The following AMBRA1 variants were observed in gnomAD, a reference collection of about 807,000 sequenced individuals.
AMBRA1 encodes the protein autophagy and beclin 1 regulator 1, also known as activating molecule in BECN1-regulated autophagy protein 1.
A neutral mutation model predicts 125.4 loss-of-function variants in AMBRA1; 47 were observed. The ratio of observed to expected loss-of-function variants is 0.37; its 90% CI spans 0.30 to 0.48. The LOEUF (loss-of-function observed/expected upper bound fraction) is 0.48. AMBRA1 is among the 20% of genes least tolerant of loss of function. The pLI is 0.99. For missense variants in AMBRA1, 1,331 were observed against 1,693.4 expected (o/e 0.79, Z 3.76); for synonymous variants, 626 against 655.5 (o/e 0.95, Z 0.69).
chr11:46,548,263 T>C lies in AMBRA1; in HGVS notation c.118A>G (p.Met40Val), dbSNP rs1373429463. The change falls in exon 2 of 18, where the codon ATG (methionine) becomes GTG (valine). Residue 40 changes from methionine (M) to valine (V), a missense_variant. By Grantham distance (21) the Met-to-Val change is conservative. Transcript: ENST00000683756. ...QELVEDKTRW[M>V]KWEGKRVELP... ...TTCCTTACCTTGCCCTCCCATTTCA[T>C]CCACCGGGTTTTATCTTCTACCAGC... is the stretch of plus-strand genomic sequence containing the variant. 1 of 1,614,052 alleles carries C rather than the reference T, an allele frequency of 6.2e-7. No homozygotes were observed. Among genetic ancestry groups the C allele is most frequent in the Non-Finnish European group, 8.5e-7 (1 of 1,180,034 alleles).
intron 11 of AMBRA1, among the ~76,000 whole-genome samples, chr11:46,450,319 A>G (rs1948518100): frequency 6.6e-6 from 1 of 152,224 alleles, no homozygotes; most frequent in Non-Finnish European, 1.5e-5. Flanking sequence ...GCTACATACT[A>G]TAGGATTCCA....
rs34070050 is a variant in AMBRA1, at chr11:46,419,995, T to TAC, written c.2977-1945_2977-1944dup. Among the ~76,000 whole-genome samples the TAC allele has an allele frequency of 1.9e-4, 25 of 129,106 alleles. 1 individual carries two copies. The highest frequency in any genetic ancestry group is 3.3e-4 in the African/African-American group (11 of 33,390). 84.7% of individuals were successfully genotyped at this position (129,106 alleles called of 152,430 possible). ...AAAAGACAGCAGCACGTGTCCTCAATACACACACACACACACACACACACA... is the reference window on the plus strand; with the variant it reads ...AAAAGACAGCAGCACGTGTCCTCAATACACACACACACACACACACACACACA... On this transcript the variant is annotated intron_variant, in intron 14 of 17. Coordinates refer to ENST00000683756, the MANE Select transcript of AMBRA1 (RefSeq NM_001387011.1).
intron 7 of AMBRA1, among the ~76,000 whole-genome samples, chr11:46,533,134 G>T (rs1427634842): frequency 2.0e-5 from 3 of 151,592 alleles, no homozygotes; most frequent in African/African-American, 7.3e-5. Flanking sequence ...CTGCACTCCA[G>T]CCTGGGCTAC....
intron 13 of AMBRA1, 121 bp from the exon 14 acceptor site, chr11:46,433,749 A>C (rs1235470493): frequency 6.7e-6 from 7 of 1,042,934 alleles, no homozygotes; most frequent in Non-Finnish European, 9.8e-6. Context: ...TCCTGGTGTT[A>C]TCTCATAGGA....
At chr11:46,532,224 A>G (rs1232477102) in intron 7 of AMBRA1, among the ~76,000 whole-genome samples, 1 of 152,202 alleles carries the variant, frequency 6.6e-6, no homozygotes, top group Non-Finnish European at 1.5e-5. Flanking sequence ...GACTAAGTGG[A>G]TGAAGGCCAG....
At position 46,561,976 on chromosome 11, in the gene AMBRA1, G is replaced by C. The variant is rs946786010; in HGVS notation, c.-120-13476C>G. Among the ~76,000 whole-genome samples the C allele has an allele frequency of 4.6e-5, 7 of 152,174 alleles. 1 individual carries two copies. In the East Asian group the frequency reaches 1.3e-3, roughly 29 times the overall value. On this transcript the variant is annotated intron_variant, in intron 1 of 17. Coordinates refer to ENST00000683756, the MANE Select transcript of AMBRA1 (RefSeq NM_001387011.1). Reference sequence around the variant, plus strand: ...ATTAAGCAGGTATTATGTTGGCACTGTTCTAGGCACTGAGGATACTATAGT... The same window carrying C: ...ATTAAGCAGGTATTATGTTGGCACTCTTCTAGGCACTGAGGATACTATAGT...
In AMBRA1 at chr11:46,543,156, G is replaced by A. The variant is rs1260932660; in HGVS notation, c.861C>T (p.Tyr287=). The part of the protein sequence containing the change: ...PSTERPRTSA[Y]IRLRQRVSYP... Reference sequence around the variant, plus strand: ...AACTGACCCGCTGTCGGAGCCTGATGTAAGCGGAAGTCCTGGGGCGCTCCG... The same window carrying A: ...AACTGACCCGCTGTCGGAGCCTGATATAAGCGGAAGTCCTGGGGCGCTCCG... Residue 287 remains tyrosine, a synonymous_variant, in exon 7 of 18, where the codon TAC becomes TAT. Coordinates refer to ENST00000683756, the MANE Select transcript of AMBRA1 (RefSeq NM_001387011.1). 2.0e-5 allele frequency: 32 copies of A among 1,564,304 alleles called. No homozygotes were observed. The highest frequency in any genetic ancestry group is 2.8e-5 in the Non-Finnish European group (32 of 1,157,400).
At chr11:46,498,923 G>A (rs1324683473) in intron 9 of AMBRA1, among the ~76,000 whole-genome samples, 1 of 152,230 alleles carries the variant, frequency 6.6e-6, no homozygotes, top group African/African-American at 2.4e-5. Flanking sequence ...TCCCTGGAGA[G>A]CACAGTGATC....
Position 46,547,860 on chromosome 11 carries a change from C to T in AMBRA1, c.151G>A (p.Asp51Asn), listed in dbSNP as rs1368717891. 80 of 1,607,662 alleles carry T rather than the reference C, an allele frequency of 5.0e-5. No homozygotes were observed. The highest frequency in any genetic ancestry group is 6.7e-5 in the Non-Finnish European group (79 of 1,177,392). The change falls in exon 3 of 18, where the codon GAT (aspartate) becomes AAT (asparagine). Residue 51 changes from aspartate to asparagine, a missense_variant. Transcript: ENST00000683756. ...KWEGKRVELPDSPRSTFLLAF... is the reference protein window; with the variant it reads ...KWEGKRVELPNSPRSTFLLAF... The stretch of plus-strand genomic sequence containing the variant: ...AATAAGAAGGTAGAGCGTGGACTAT[C>T]CGGCAGTTCTACTCTCTGGGAGACA...
At chr11:46,469,838 CTTTTT>C (rs34785738) in intron 11 of AMBRA1, among the ~76,000 whole-genome samples, 2 of 128,290 alleles carry the variant, frequency 1.6e-5, no homozygotes, top group East Asian at 4.5e-4. Flanking sequence ...CTAACTTAAA[CTTTTT>C]TTTTTTTTTT....
chr11:46,570,750 A>G (rs1297914334), intron 1 of AMBRA1, among the ~76,000 whole-genome samples: 2 of 152,130 alleles, frequency 1.3e-5, no homozygotes, highest in Non-Finnish European at 2.9e-5. Flanking sequence ...ATATTAACAC[A>G]TGACAACAGA....
At chr11:46,592,337 G>T (rs1359067533) in intron 1 of AMBRA1, among the ~76,000 whole-genome samples, 1 of 152,096 alleles carries the variant, frequency 6.6e-6, no homozygotes, top group Non-Finnish European at 1.5e-5. Context: ...TCCAAGCTGG[G>T]AAGGAAAAGG....
rs780544369 is a variant in AMBRA1 at position 46,541,971 on chromosome 11, C to G, written c.2046G>C (p.Glu682Asp). ...QEALHQDMPE[E>D]SSEEDSLRRR... The stretch of plus-strand genomic sequence containing the variant: ...TCCTGAGTGAATCCTCCTCAGAGCT[C>G]TCCTCAGGCATATCCTGATGTAAGG... The change falls in exon 7 of 18, where the codon GAG (glutamate) becomes GAC (aspartate). Residue 682 changes from glutamate (E) to aspartate (D), a missense_variant. Transcript: ENST00000683756. The G allele has an allele frequency of 6.2e-7, 1 of 1,613,090 alleles. No homozygotes were observed. Among genetic ancestry groups the G allele is most frequent in the South Asian group, 1.1e-5 (1 of 90,874 alleles).
In AMBRA1 at chr11:46,565,312, T is replaced by C. The variant is rs139592541; in HGVS notation, c.-120-16812A>G. On this transcript the variant is annotated intron_variant, in intron 1 of 17. Transcript: ENST00000683756. Reference sequence around the variant, plus strand: ...CATAATTTGTCATTTTACTTCTGTTTTCCTTTTTTTTTAAATTAAAAAAAT... The same window carrying C: ...CATAATTTGTCATTTTACTTCTGTTCTCCTTTTTTTTTAAATTAAAAAAAT... Among the ~76,000 whole-genome samples the C allele has an allele frequency of 3.9e-3, 594 of 152,148 alleles. 3 individuals are homozygous for C. The highest frequency in any genetic ancestry group is 0.014 in the African/African-American group (580 of 41,522).
chr11:46,519,048 G>A (rs1951642806), intron 7 of AMBRA1, among the ~76,000 whole-genome samples: 1 of 152,152 alleles, frequency 6.6e-6, no homozygotes. Context: ...CATTTTTTGA[G>A]ACAGAGTTTC....
chr11:46,512,545 C>G (rs1951303101), intron 8 of AMBRA1, among the ~76,000 whole-genome samples, 182 bp downstream of exon 8: 1 of 152,098 alleles, frequency 6.6e-6, no homozygotes, highest in Non-Finnish European at 1.5e-5. Flanking sequence ...CCTCTGTCAC[C>G]AGAGGTACTG....
At chr11:46,398,065 G>C in intron 17 of AMBRA1, 122 bp from the exon 18 acceptor site, 1 of 1,299,052 alleles carries the variant, frequency 7.7e-7, no homozygotes, top group Non-Finnish European at 1.0e-6. Flanking sequence ...AGAAAGACTC[G>C]CTCCATCACT....
chr11:46,424,134 C>T (rs1381200660), intron 14 of AMBRA1, among the ~76,000 whole-genome samples: 4 of 151,782 alleles, frequency 2.6e-5, no homozygotes, highest in Non-Finnish European at 1.5e-5. Context: ...TTTAAAAAAT[C>T]AAAATAACAA....
chr11:46,505,927 C>T (rs1332428332), intron 9 of AMBRA1, among the ~76,000 whole-genome samples: 1 of 152,166 alleles, frequency 6.6e-6, no homozygotes, highest in East Asian at 1.9e-4. Context: ...GTCTCCCAGG[C>T]GTGCATGGAA....
Sources: gnomAD v4.1 joint callset for allele counts (sites outside exome capture counted in the v4.1 genomes callset) on GRCh38, gnomAD v4.1.1 for gene constraint, MANE v1.5 for transcripts, NCBI Gene and HGNC (gene_info 2026-07-23, HGNC 2026-07-21) for gene names.